The following DRICH1 variants were observed in gnomAD, a reference collection of about 807,000 sequenced individuals.
DRICH1 encodes the protein aspartate-rich protein 1.
A neutral mutation model predicts 39.5 loss-of-function variants in DRICH1; 38 were observed. The ratio of observed to expected loss-of-function variants is 0.96; its 90% CI spans 0.74 to 1.26. The LOEUF (loss-of-function observed/expected upper bound fraction) is 1.26, where lower values mean the gene tolerates loss of function less well. Ranked by LOEUF, DRICH1 falls within the 50% of genes most tolerant of loss-of-function variation. The pLI is 0.00. For synonymous variants in DRICH1, 84 were observed against 99.5 expected (o/e 0.84, Z 0.93); for missense variants, 279 against 270.4 (o/e 1.03, Z -0.22).
At chr22:23,587,267 C>G in the DRICH1 span, among the ~76,000 whole-genome samples, 21 of 152,264 alleles carry the variant, frequency 1.4e-4, no homozygotes, top group East Asian at 4.1e-3. Context: ...GTCCCAGACA[C>G]CCAACTCAAA....
chr22:23,597,692 G>A, the DRICH1 span, among the ~76,000 whole-genome samples: 1 of 149,946 alleles, frequency 6.7e-6, no homozygotes, highest in South Asian at 2.1e-4. Flanking sequence ...TCCTGGAAGG[G>A]GTAGGTAAGA....
intron 8 of DRICH1, among the ~76,000 whole-genome samples, chr22:23,614,777 G>A (rs1338001777): frequency 6.6e-6 from 1 of 151,990 alleles, no homozygotes; most frequent in Non-Finnish European, 1.5e-5. Context: ...CTCTTTGTAA[G>A]TCTTCTTCTG....
the DRICH1 span, among the ~76,000 whole-genome samples, chr22:23,585,009 G>T: frequency 6.6e-6 from 1 of 152,152 alleles, no homozygotes; most frequent in African/African-American, 2.4e-5. Context: ...TCTCATCATT[G>T]TTCAGTTTAA....
At chr22:23,619,316 C>A (rs371627015) in intron 6 of DRICH1, 48 bp downstream of exon 6, 23 of 778,112 alleles carry the variant, frequency 3.0e-5, no homozygotes, top group Non-Finnish European at 5.0e-5. Flanking sequence ...GATAGGAAGA[C>A]TCAGCATGAC....
chr22:23,613,696 G>T, intron 9 of DRICH1, 36 bp from the exon 10 acceptor site: 1 of 1,521,832 alleles, frequency 6.6e-7, no homozygotes. Context: ...ATGAAAATCA[G>T]ATTCTGCTGT....
chr22:23,625,099 G>A (rs1485615031), intron 2 of DRICH1, among the ~76,000 whole-genome samples, 195 bp from the exon 3 acceptor site: 1 of 152,178 alleles, frequency 6.6e-6, no homozygotes, highest in Non-Finnish European at 1.5e-5. Flanking sequence ...ATTTCTTTGA[G>A]GTTGATTTAG....
chr22:23,621,188 AT>A (rs1927704435), intron 4 of DRICH1, among the ~76,000 whole-genome samples: 1 of 152,020 alleles, frequency 6.6e-6, no homozygotes, highest in African/African-American at 2.4e-5. Flanking sequence ...TCCTGCTTGG[AT>A]GGGCAATGCC....
Position 23,625,561 on chromosome 22 carries a change from T to C in DRICH1, c.276+420A>G, listed in dbSNP as rs1928010028. ...TTTACTAGCCTGCAAAATAGCTCGC[T>C]TTGTCTGTTCTTATCAGCCTGCCCA... On this transcript the variant is annotated intron_variant, in intron 2 of 11. Coordinates refer to ENST00000317749, the MANE Select transcript of DRICH1 (RefSeq NM_016449.4). Among the ~76,000 whole-genome samples, 4 of 152,284 alleles carry C rather than the reference T, an allele frequency of 2.6e-5. No homozygotes were observed. The South Asian group carries it at 8.3e-4, about 32-fold the overall frequency.
At chr22:23,614,779 C>T (rs1927255034) in intron 8 of DRICH1, among the ~76,000 whole-genome samples, 1 of 151,896 alleles carries the variant, frequency 6.6e-6, no homozygotes, top group Non-Finnish European at 1.5e-5. Flanking sequence ...CTTTGTAAGT[C>T]TTCTTCTGGA....
rs1928033127 is a variant in DRICH1, at chr22:23,625,922, T to C, written c.276+59A>G. Reference sequence around the variant, plus strand: ...CATTCTTTGGGTTTAGATGGGTGAATTTGTTTCTGACATCAGGAAAGCAAC... The same window carrying C: ...CATTCTTTGGGTTTAGATGGGTGAACTTGTTTCTGACATCAGGAAAGCAAC... On this transcript the variant is annotated intron_variant, in intron 2 of 11. Coordinates refer to ENST00000317749, the MANE Select transcript of DRICH1 (RefSeq NM_016449.4). 3 of 1,397,916 alleles carry C rather than the reference T, an allele frequency of 2.1e-6. No individual in the cohort carries two copies. In the Admixed American group the frequency reaches 5.1e-5, roughly 24 times the overall value. The allele number at this position is 1,397,916 out of a possible 1,614,324, so 86.6% of individuals were successfully genotyped here. A position where few individuals can be genotyped will look rare whatever the true frequency, so the allele number is the denominator to read the frequency against.
chr22:23,582,781 G>A, the DRICH1 span, among the ~76,000 whole-genome samples: 2 of 151,798 alleles, frequency 1.3e-5, no homozygotes, highest in Non-Finnish European at 2.9e-5. Context: ...GGCTGGTCCC[G>A]AACTCCTGAT....
intron 11 of DRICH1, among the ~76,000 whole-genome samples, 155 bp from the exon 12 acceptor site, chr22:23,608,923 C>G (rs1205425261): frequency 6.6e-6 from 1 of 152,210 alleles, no homozygotes; most frequent in African/African-American, 2.4e-5. Flanking sequence ...AACTCATCAG[C>G]CAGGGACAGA....
At chr22:23,620,682 T>C (rs760351663) in intron 4 of DRICH1, 67 bp from the exon 5 acceptor site, 3 of 1,565,552 alleles carry the variant, frequency 1.9e-6, no homozygotes, top group South Asian at 1.1e-5. Flanking sequence ...TACACAGATC[T>C]GTTATTCTCT....
chr22:23,630,227 T>C (rs1317868733), intron 1 of DRICH1, among the ~76,000 whole-genome samples: 1 of 152,206 alleles, frequency 6.6e-6, no homozygotes, highest in Non-Finnish European at 1.5e-5. Context: ...GGCACACTTA[T>C]AGGCCATCCA....
the DRICH1 span, chr22:23,583,605 T>A: frequency 1.3e-5 from 2 of 152,374 alleles, no homozygotes; most frequent in Non-Finnish European, 1.5e-5. Flanking sequence ...ACACTGAGAG[T>A]CCCCTCAGCG....
chr22:23,583,762 G>T, the DRICH1 span: 2 of 152,766 alleles, frequency 1.3e-5, no homozygotes, highest in Non-Finnish European at 2.9e-5. Flanking sequence ...CTTCTCCCCT[G>T]TTGGGAGCCT....
the DRICH1 span, among the ~76,000 whole-genome samples, chr22:23,599,875 G>A: frequency 1.3e-5 from 2 of 152,192 alleles, no homozygotes; most frequent in African/African-American, 4.8e-5. Flanking sequence ...GGGGACCCCA[G>A]TGCCACAGCC....
intron 4 of DRICH1, 61 bp from the exon 5 acceptor site, chr22:23,620,676 C>G (rs1927669650): frequency 1.3e-6 from 2 of 1,578,534 alleles, no homozygotes; most frequent in African/African-American, 2.7e-5. Context: ...ACCCCTTACA[C>G]AGATCTGTTA....
At position 23,608,622 on chromosome 22, in the gene DRICH1, G is replaced by T; in HGVS notation, c.*142C>A. 3.5e-6 allele frequency: 3 copies of T among 854,592 alleles called. No homozygotes were observed. The highest frequency in any genetic ancestry group is 5.7e-6 in the Non-Finnish European group (3 of 526,850). The allele number at this position is 854,592 out of a possible 1,614,324, so 52.9% of individuals were successfully genotyped here. On this transcript the variant is annotated 3_prime_UTR_variant, in exon 12 of 12. Transcript: ENST00000317749. The stretch of plus-strand genomic sequence containing the variant: ...CTGGCGGTGGGTGGGAAGCAGCCTT[G>T]GACTTTTTCTCTCTGCTGGGACCAA...
Sources: allele counts gnomAD v4.1 joint callset (sites outside exome capture counted in the v4.1 genomes callset), GRCh38; gene constraint gnomAD v4.1.1; transcripts MANE v1.5; gene names NCBI Gene and HGNC (gene_info 2026-07-23, HGNC 2026-07-21).